Variants in PPP2R2C observed in about 807,000 individuals in gnomAD.
The protein encoded by PPP2R2C is protein phosphatase 2 regulatory subunit Bgamma.
A neutral mutation model predicts 45.3 loss-of-function variants in PPP2R2C; 10 were observed. The observed-to-expected ratio is 0.22, with a 90% confidence interval of 0.14 to 0.37. The LOEUF is 0.37. Ranked by LOEUF, PPP2R2C falls within the 10% of genes least tolerant of loss-of-function variation. The pLI is 1.00. For missense variants in PPP2R2C, 308 were observed against 619.7 expected (o/e 0.50, Z 5.34); for synonymous variants, 257 against 245.4 (o/e 1.05, Z -0.44).
chr4:6,513,161 C>T (rs1175300841), intron 2 of PPP2R2C, among the ~76,000 whole-genome samples: 2 of 152,162 alleles, frequency 1.3e-5, no homozygotes, highest in Non-Finnish European at 2.9e-5. Context: ...ACTCACTCAT[C>T]CATTCATTCA....
In PPP2R2C at chr4:6,375,322, G is replaced by A. The variant is rs1715212825; in HGVS notation, c.447+497C>T. On this transcript the variant is annotated intron_variant, in intron 4 of 8. Transcript: ENST00000382599. Reference sequence around the variant, plus strand: ...CTCACTGGATGCTGGGCACGTGTGTGTCTGTTTCAGGGTATGTCTGTTTCA... The same window carrying A: ...CTCACTGGATGCTGGGCACGTGTGTATCTGTTTCAGGGTATGTCTGTTTCA... 2.6e-5 allele frequency among the ~76,000 whole-genome samples: 4 copies of A among 152,226 alleles called. No homozygotes were observed. In the South Asian group the frequency reaches 8.3e-4, roughly 32 times the overall value.
chr4:6,416,176 A>AGTT (rs771548397), intron 1 of PPP2R2C, among the ~76,000 whole-genome samples: 15 of 151,886 alleles, frequency 9.9e-5, no homozygotes, highest in African/African-American at 3.6e-4. Flanking sequence ...AACAAGGATA[A>AGTT]CAACCTTCCA....
chr4:6,431,590 C>T (rs1025605244), intron 1 of PPP2R2C, among the ~76,000 whole-genome samples: 12 of 152,086 alleles, frequency 7.9e-5, no homozygotes, highest in African/African-American at 2.9e-4. Context: ...GGTCCAGAGC[C>T]CCCCCTTCCC....
chr4:6,347,694 C>A lies in PPP2R2C; in HGVS notation c.790+152G>T, dbSNP rs1021568068. On this transcript the variant is annotated intron_variant, in intron 6 of 8. Coordinates refer to ENST00000382599, the MANE Select transcript of PPP2R2C (RefSeq NM_020416.4). ...AAGACCAGGCTCCCCGACCAGCCAG[C>A]GCTGAAGCAGCAATGGGCCCACCCA... The A allele has an allele frequency of 3.9e-6, 4 of 1,027,920 alleles. No individual in the cohort carries two copies. In the African/African-American group the frequency reaches 4.8e-5, roughly 12 times the overall value. The allele number at this position is 1,027,920 out of a possible 1,614,324, so 63.7% of individuals were successfully genotyped here.
At chr4:6,540,458 TG>T (rs1262207952) in intron 1 of PPP2R2C, among the ~76,000 whole-genome samples, 1 of 152,268 alleles carries the variant, frequency 6.6e-6, no homozygotes. Context: ...GACCATATTT[TG>T]TTTACCCATT....
chr4:6,420,258 G>C (rs371169581), intron 1 of PPP2R2C, among the ~76,000 whole-genome samples: 57 of 152,282 alleles, frequency 3.7e-4, no homozygotes, highest in African/African-American at 1.2e-3. Flanking sequence ...CAAATGACCT[G>C]TTTCTTGCCC....
intron 2 of PPP2R2C, among the ~76,000 whole-genome samples, chr4:6,489,277 C>A (rs1722622003): frequency 6.6e-6 from 1 of 152,168 alleles, no homozygotes; most frequent in South Asian, 2.1e-4. Context: ...TCATTTGTTT[C>A]ATGCCATTTT....
In PPP2R2C at chr4:6,502,831, G is replaced by A. The variant is rs192282247; in HGVS notation, c.49+32440C>T. Among the ~76,000 whole-genome samples the A allele has an allele frequency of 2.3e-4, 35 of 152,156 alleles. No homozygotes were observed. The South Asian group carries it at 3.5e-3, about 15-fold the overall frequency. On this transcript the variant is annotated intron_variant, in intron 2 of 9. Coordinates refer to the PPP2R2C transcript ENST00000506140. Reference sequence around the variant, plus strand: ...TTTCAGGCCTCCAGTCACTGGAGCCGAAAAACCTTGGAGATGTCCTGGATG... The same window carrying A: ...TTTCAGGCCTCCAGTCACTGGAGCCAAAAAACCTTGGAGATGTCCTGGATG...
chr4:6,333,459 C>T (rs4689405), intron 7 of PPP2R2C, 103 bp downstream of exon 7: 1,228,973 of 1,335,316 alleles, frequency 0.92, 569,938 homozygotes, highest in Non-Finnish European at 0.96. Context: ...ACCTACATAC[C>T]GGGCATATGA....
rs567681326 is a variant in PPP2R2C, at chr4:6,458,289, G to A, written c.70+13871C>T. The stretch of plus-strand genomic sequence containing the variant: ...CTGCTATAACAAAATATCATAGACC[G>A]GGTGGCTTATAAACAACAAGCATTT... On this transcript the variant is annotated intron_variant, in intron 1 of 8. Transcript: ENST00000382599. 2.4e-4 allele frequency among the ~76,000 whole-genome samples: 36 copies of A among 152,274 alleles called. 1 individual carries two copies. The highest frequency in any genetic ancestry group is 5.8e-4 in the African/African-American group (24 of 41,558).
chr4:6,354,815 G>A (rs926101292), intron 5 of PPP2R2C, among the ~76,000 whole-genome samples: 7 of 151,978 alleles, frequency 4.6e-5, no homozygotes, highest in African/African-American at 1.2e-4. Flanking sequence ...GGGTTCCTCC[G>A]CCCACAGCCC....
intron 8 of PPP2R2C, among the ~76,000 whole-genome samples, chr4:6,326,407 G>A (rs1273844107): frequency 2.0e-5 from 3 of 152,116 alleles, no homozygotes; most frequent in African/African-American, 7.2e-5. Flanking sequence ...TCCCGCACCC[G>A]AGCACGCTCG....
intron 1 of PPP2R2C, among the ~76,000 whole-genome samples, chr4:6,432,064 C>G (rs1161583785): frequency 6.6e-6 from 1 of 152,172 alleles, no homozygotes; most frequent in African/African-American, 2.4e-5. Context: ...CACCTCTTAA[C>G]GCATCACCTT....
intron 5 of PPP2R2C, chr4:6,351,457 T>C (rs180995854): frequency 3.5e-5 from 23 of 653,668 alleles, no homozygotes; most frequent in Middle Eastern, 7.9e-4. Context: ...ACCCCATGTA[T>C]AGGCTGGGGA....
At position 6,378,640 on chromosome 4, in the gene PPP2R2C, G is replaced by C; in HGVS notation, c.169-68C>G. ...CAGGGCGACGGCTAGGACCTCCGGG[G>C]ACCCAGCAGGGCCGGCCGTGGGACC... On this transcript the variant is annotated intron_variant, in intron 2 of 8. Coordinates refer to ENST00000382599, the MANE Select transcript of PPP2R2C (RefSeq NM_020416.4). The surrounding 1 kb of genome is among the most constrained non-coding windows in gnomAD (Gnocchi z 5.2). 6.5e-7 allele frequency: 1 copy of C among 1,527,386 alleles called. No individual in the cohort carries two copies. The highest frequency in any genetic ancestry group is 8.9e-7 in the Non-Finnish European group (1 of 1,128,032). 94.6% of individuals were successfully genotyped at this position (1,527,386 alleles called of 1,614,324 possible).
intron 1 of PPP2R2C, among the ~76,000 whole-genome samples, chr4:6,560,276 G>A (rs1475017455): frequency 6.6e-6 from 1 of 152,258 alleles, no homozygotes; most frequent in East Asian, 1.9e-4. Flanking sequence ...ACTAAGGGCT[G>A]GAACTTCTAT....
chr4:6,478,355 T>C (rs763576921), intron 2 of PPP2R2C, among the ~76,000 whole-genome samples: 4 of 152,230 alleles, frequency 2.6e-5, no homozygotes, highest in Non-Finnish European at 5.9e-5. Flanking sequence ...GAGACTTGCT[T>C]TGCAGAGTAC....
At chr4:6,385,531 CCA>C (rs1716148776) in intron 1 of PPP2R2C, among the ~76,000 whole-genome samples, 1 of 152,088 alleles carries the variant, frequency 6.6e-6, no homozygotes, top group Non-Finnish European at 1.5e-5. Context: ...TCCCCCTCCC[CCA>C]GTTAAGTGGT....
chr4:6,560,039 A>G (rs547177957), intron 1 of PPP2R2C, among the ~76,000 whole-genome samples: 56 of 152,378 alleles, frequency 3.7e-4, no homozygotes, highest in African/African-American at 1.3e-3. Flanking sequence ...CAAAATTGAC[A>G]TGTCCCTTAA....
Sources: gnomAD v4.1 joint callset for allele counts (sites outside exome capture counted in the v4.1 genomes callset) on GRCh38, gnomAD v4.1.1 for gene constraint, Gnocchi (gnomAD v3.1) non-coding constraint, MANE v1.5 for transcripts, NCBI Gene and HGNC (gene_info 2026-07-23, HGNC 2026-07-21) for gene names.